ZNF614: variants seen among roughly 807,000 people sequenced by gnomAD.
The protein encoded by ZNF614 is zinc finger protein 614.
A neutral mutation model predicts 12.8 loss-of-function variants in ZNF614; 11 were observed. The observed-to-expected ratio is 0.86, with a 90% confidence interval of 0.54 to 1.43. The LOEUF (loss-of-function observed/expected upper bound fraction) is 1.43. ZNF614 is among the 40% of genes most tolerant of loss of function. The probability of loss-of-function intolerance (pLI) is 0.00; values close to 1 mark genes in which losing one functional copy is unlikely to be tolerated. For missense variants in ZNF614, 664 were observed against 708.8 expected, an observed-to-expected ratio of 0.94 and a Z score of 0.72; for synonymous variants, 237 against 237.5, an observed-to-expected ratio of 1.00 and a Z score of 0.02.
chr19:52,018,451 T>C lies in ZNF614; in HGVS notation c.59A>G (p.Glu20Gly), dbSNP rs765248372. The C allele has an allele frequency of 5.0e-6, 8 of 1,614,064 alleles. No homozygotes were observed. The highest frequency in any genetic ancestry group is 6.8e-6 in the Non-Finnish European group (8 of 1,180,028). ...AGCAGTGTCCAGGAGCTGCCACTCC[T>C]CCCAGCTGAATTCCACAGCCACATC... Reference protein sequence around the residue: ...LEDVAVEFSWEEWQLLDTAQK... With the variant: ...LEDVAVEFSWGEWQLLDTAQK... Residue 20 changes from glutamate to glycine, a missense_variant, in exon 3 of 5, where the codon GAG becomes GGG. Coordinates refer to ENST00000270649, the MANE Select transcript of ZNF614 (RefSeq NM_025040.4).
chr19:52,015,768 TAATGA>T lies in ZNF614; in HGVS notation c.*67_*71del, dbSNP rs1341806881. The T allele has an allele frequency of 4.3e-6, 6 of 1,386,544 alleles. No homozygotes were observed. In the African/African-American group the frequency reaches 7.2e-5, roughly 17 times the overall value. 85.9% of individuals were successfully genotyped at this position (1,386,544 alleles called of 1,614,324 possible). On this transcript the variant is annotated 3_prime_UTR_variant, in exon 5 of 5. Transcript: ENST00000270649. The stretch of plus-strand genomic sequence containing the variant: ...AATTGGCTAGAAACACACTGATGTT[TAATGA>T]AGTCTGAGTTGCCACAAAAGGCATT...
At chr19:52,024,910 G>C (rs1422814517) in intron 2 of ZNF614, among the ~76,000 whole-genome samples, 1 of 152,162 alleles carries the variant, frequency 6.6e-6, no homozygotes, top group African/African-American at 2.4e-5. Flanking sequence ...GGGGATACCC[G>C]TAAAGGGTCT....
intron 1 of ZNF614, among the ~76,000 whole-genome samples, chr19:52,027,044 A>G (rs1391564683): frequency 2.0e-5 from 3 of 152,212 alleles, no homozygotes; most frequent in Non-Finnish European, 4.4e-5. Flanking sequence ...GGTCCTCCGT[A>G]TGCTGAGTGC....
At chr19:52,024,514 C>A (rs2086957179) in intron 2 of ZNF614, among the ~76,000 whole-genome samples, 1 of 152,084 alleles carries the variant, frequency 6.6e-6, no homozygotes, top group South Asian at 2.1e-4. Flanking sequence ...CAGACTGTTA[C>A]TGTGTCTATG....
chr19:52,028,018 C>G (rs1326902667), intron 1 of ZNF614, among the ~76,000 whole-genome samples: 1 of 152,208 alleles, frequency 6.6e-6, no homozygotes, highest in Admixed American at 6.5e-5. Context: ...GACCGTCCCC[C>G]AGCCCAACAC....
chr19:52,026,954 C>T (rs2123131237), intron 1 of ZNF614, among the ~76,000 whole-genome samples: 1 of 152,330 alleles, frequency 6.6e-6, no homozygotes, highest in South Asian at 2.1e-4. Flanking sequence ...ACCTTATTGT[C>T]CTGCCACATC....
intron 4 of ZNF614, chr19:52,017,665 C>T (rs2086908022): frequency 2.8e-6 from 1 of 354,400 alleles, no homozygotes; most frequent in Admixed American, 4.4e-5. Flanking sequence ...TGGGCCATTG[C>T]ACTCCAGCCT....
At chr19:52,026,918 T>G (rs2086978895) in intron 1 of ZNF614, among the ~76,000 whole-genome samples, 1 of 152,204 alleles carries the variant, frequency 6.6e-6, no homozygotes. Context: ...TTCACATGTT[T>G]TCCTGCTGAC....
chr19:52,023,273 A>T (rs919847959), intron 2 of ZNF614, among the ~76,000 whole-genome samples: 4 of 150,128 alleles, frequency 2.7e-5, no homozygotes, highest in Non-Finnish European at 5.9e-5. Context: ...GGTTCAAGGG[A>T]TTCTCCTGCC....
At chr19:52,018,566 T>A (rs1003734377) in intron 2 of ZNF614, 72 bp from the exon 3 acceptor site, 124 of 1,473,378 alleles carry the variant, frequency 8.4e-5, no homozygotes, top group Admixed American at 2.0e-4. Context: ...GATAATTTTT[T>A]AAAAATTTTC....
chr19:52,017,764 A>T lies in ZNF614; in HGVS notation c.238+244T>A, dbSNP rs1284646994. 11 of 408,636 alleles carry T rather than the reference A, an allele frequency of 2.7e-5. No individual in the cohort carries two copies. In the Admixed American group the frequency reaches 4.0e-4, roughly 15 times the overall value. 25.3% of individuals were successfully genotyped at this position (408,636 alleles called of 1,614,324 possible). The stretch of plus-strand genomic sequence containing the variant: ...GCTGGGGGCTGGCTCTTTATTGTCA[A>T]CTCTACGATCCCAGTATAAAAGGAA... On this transcript the variant is annotated intron_variant, in intron 4 of 4. Coordinates refer to ENST00000270649, the MANE Select transcript of ZNF614 (RefSeq NM_025040.4).
chr19:52,015,521 C>T lies in ZNF614; in HGVS notation c.*319G>A, dbSNP rs552184956. ...GTCTTTGTATTCACAGAATTTATCT[C>T]TGTATACTTTTCAGACATATGAGCA... On this transcript the variant is annotated 3_prime_UTR_variant, in exon 5 of 5. Transcript: ENST00000270649. 1.9e-4 allele frequency: 39 copies of T among 203,454 alleles called. No homozygotes were observed. Among genetic ancestry groups the T allele is most frequent in the African/African-American group, 8.1e-4 (35 of 42,958 alleles). The allele number at this position is 203,454 out of a possible 1,614,324, so 12.6% of individuals were successfully genotyped here. A position where few individuals can be genotyped will look rare whatever the true frequency, so the allele number is the denominator to read the frequency against.
intron 2 of ZNF614, among the ~76,000 whole-genome samples, chr19:52,019,738 T>G (rs2086922331): frequency 6.6e-6 from 1 of 152,224 alleles, no homozygotes; most frequent in African/African-American, 2.4e-5. Context: ...AGCAGATGAC[T>G]TGCTGTCTTA....
At chr19:52,024,597 T>C (rs1367393644) in intron 2 of ZNF614, among the ~76,000 whole-genome samples, 1 of 151,610 alleles carries the variant, frequency 6.6e-6, no homozygotes, top group Non-Finnish European at 1.5e-5. Context: ...GAGATGCTGT[T>C]AATCTGTAAC....
intron 4 of ZNF614, 70 bp from the exon 5 acceptor site, chr19:52,017,429 C>A: frequency 7.0e-7 from 1 of 1,418,476 alleles, no homozygotes; most frequent in Non-Finnish European, 9.4e-7. Flanking sequence ...TGAGGCCGGG[C>A]ACGGTGGCTC....
At chr19:52,024,089 A>ACTG (rs2086953448) in intron 2 of ZNF614, among the ~76,000 whole-genome samples, 1 of 152,232 alleles carries the variant, frequency 6.6e-6, no homozygotes, top group Non-Finnish European at 1.5e-5. Flanking sequence ...TAGAATACCC[A>ACTG]GAAAGGGCAT....
intron 2 of ZNF614, among the ~76,000 whole-genome samples, chr19:52,022,465 G>A (rs1041718584): frequency 3.3e-5 from 5 of 152,210 alleles, no homozygotes; most frequent in Non-Finnish European, 5.9e-5. Context: ...GCCTTTGCGC[G>A]GCTGCTGTGC....
chr19:52,026,002 T>C, intron 1 of ZNF614, 41 bp from the exon 2 acceptor site: 2 of 470,148 alleles, frequency 4.3e-6, no homozygotes, highest in Admixed American at 7.6e-5. Flanking sequence ...TAACCCTGGG[T>C]CCAGACATTG....
chr19:52,016,394 T>A lies in ZNF614; in HGVS notation c.1204A>T (p.Ser402Cys). 6.2e-7 allele frequency: 1 copy of A among 1,614,182 alleles called. No homozygotes were observed. Among genetic ancestry groups the A allele is most frequent in the Non-Finnish European group, 8.5e-7 (1 of 1,180,004 alleles). The change falls in exon 5 of 5, where the codon AGC becomes TGC. Residue 402 changes from serine (S) to cysteine (C), a missense_variant. Transcript: ENST00000270649. ...ACAGTGAAGCCTTTTCCACATTCGC[T>A]GCATATGTAAGATTTTTCTCCTGTG... is the stretch of plus-strand genomic sequence containing the variant. Reference protein sequence around the residue: ...SHTGEKSYICSECGKGFTVKR... With the variant: ...SHTGEKSYICCECGKGFTVKR...
Sources: gnomAD v4.1 joint callset for allele counts (sites outside exome capture counted in the v4.1 genomes callset) on GRCh38, gnomAD v4.1.1 for gene constraint, MANE v1.5 for transcripts, NCBI Gene and HGNC (gene_info 2026-07-23, HGNC 2026-07-21) for gene names.